The following NFIC variants were observed in gnomAD, a reference collection of about 807,000 sequenced individuals.
The protein encoded by NFIC is nuclear factor 1 C-type.
In NFIC, 12 loss-of-function variants were observed where a neutral mutation model predicts 54.4. The observed-to-expected ratio is 0.22, with a 90% CI of 0.14 to 0.36. The LOEUF is 0.36. NFIC is among the 10% of genes least tolerant of loss of function. The pLI is 1.00. For synonymous variants in NFIC, 322 were observed against 319.2 expected (o/e 1.01, Z -0.09); for missense variants, 575 against 718.2 (o/e 0.80, Z 2.28).
chr19:3,408,413 A>G (rs932722965), intron 2 of NFIC, among the ~76,000 whole-genome samples: 18 of 152,074 alleles, frequency 1.2e-4, no homozygotes, highest in African/African-American at 4.1e-4. Flanking sequence ...TTCTTTAAAA[A>G]TTGCTTTAAC....
intron 6 of NFIC, among the ~76,000 whole-genome samples, chr19:3,447,152 A>G (rs1348811641): frequency 2.6e-5 from 4 of 151,200 alleles, no homozygotes; most frequent in African/African-American, 9.8e-5. Context: ...TACAAAAATG[A>G]CCCGGGCGTG....
intron 6 of NFIC, among the ~76,000 whole-genome samples, chr19:3,435,919 C>G (rs1599685252): frequency 6.6e-6 from 1 of 152,124 alleles, no homozygotes; most frequent in East Asian, 1.9e-4. Context: ...CTCCACCTCC[C>G]TGGTTCAAGC....
intron 1 of NFIC, among the ~76,000 whole-genome samples, chr19:3,361,384 C>T (rs997497071): frequency 1.3e-5 from 2 of 152,120 alleles, no homozygotes; most frequent in African/African-American, 2.4e-5. Flanking sequence ...AGCGTAGGGG[C>T]ACCGGGACTG....
chr19:3,456,024 T>G (rs1049784127), intron 9 of NFIC, among the ~76,000 whole-genome samples: 3 of 152,182 alleles, frequency 2.0e-5, no homozygotes, highest in Admixed American at 1.3e-4. Context: ...CCATCCCTGC[T>G]GTAGCCCCAG....
At chr19:3,373,619 C>CT (rs1229860652) in intron 1 of NFIC, among the ~76,000 whole-genome samples, 2 of 99,452 alleles carry the variant, frequency 2.0e-5, no homozygotes, top group African/African-American at 7.0e-5. Flanking sequence ...CTTCCTGGAC[C>CT]CCCCCCCCAA....
At chr19:3,443,084 C>G (rs373405751) in intron 6 of NFIC, among the ~76,000 whole-genome samples, 1 of 152,114 alleles carries the variant, frequency 6.6e-6, no homozygotes. Context: ...CCCCAGGGAA[C>G]GAGCCAGCCC....
chr19:3,391,509 G>GGCA (rs1568415941), intron 2 of NFIC, among the ~76,000 whole-genome samples: 1 of 151,786 alleles, frequency 6.6e-6, no homozygotes, highest in Non-Finnish European at 1.5e-5. Context: ...AAATTAGCCA[G>GGCA]TCGTAGGCCA....
intron 2 of NFIC, among the ~76,000 whole-genome samples, chr19:3,403,398 G>A (rs1006062455): frequency 1.1e-4 from 16 of 152,152 alleles, no homozygotes; most frequent in African/African-American, 3.1e-4. Flanking sequence ...TTCCCCCTTT[G>A]TAAAGCAGAA....
intron 2 of NFIC, among the ~76,000 whole-genome samples, chr19:3,406,792 T>G (rs1284958368): frequency 2.0e-5 from 3 of 152,154 alleles, no homozygotes. Context: ...TCACTTCAAG[T>G]GCAGATTCTG....
rs775144774 is a variant in NFIC at position 3,459,371 on chromosome 19, C to T, written c.1509+2736C>T. On this transcript the variant is annotated intron_variant, in intron 10 of 10. Coordinates refer to ENST00000443272, the MANE Select transcript of NFIC (RefSeq NM_001245002.2). This position sits in a 1 kb window ranked among gnomAD's most constrained non-coding sequence, Gnocchi z 4.2. ...CCACTGTGAGGCTGGGTGGCTCTGACGCCCTGGCCCCTCCCCTCTGTGATG... is the reference window on the plus strand; with the variant it reads ...CCACTGTGAGGCTGGGTGGCTCTGATGCCCTGGCCCCTCCCCTCTGTGATG... Among the ~76,000 whole-genome samples the T allele has an allele frequency of 7.0e-4, 106 of 152,218 alleles. No homozygotes were observed. Among genetic ancestry groups the T allele is most frequent in the Non-Finnish European group, 1.2e-3 (80 of 68,010 alleles).
In NFIC at chr19:3,396,335, G is replaced by C. The variant is rs142747559; in HGVS notation, c.562+14092G>C. The stretch of plus-strand genomic sequence containing the variant: ...AAATATGAAAATATTAGCCAGGCGT[G>C]GTGGTGGGCGCCTGTAGTCCCAGCT... On this transcript the variant is annotated intron_variant, in intron 2 of 10. Transcript: ENST00000443272. 2.4e-3 allele frequency among the ~76,000 whole-genome samples: 361 copies of C among 152,252 alleles called. 2 individuals carry two copies. The highest frequency in any genetic ancestry group is 8.2e-3 in the African/African-American group (342 of 41,542).
rs548595052 is a variant in NFIC at position 3,369,664 on chromosome 19, A to C, written c.30+2998A>C. ...AAGCGCTTTTTCACTTTTACTCTTAAGAGGAACTGTGTGGAGCCCATGGCT... is the reference window on the plus strand; with the variant it reads ...AAGCGCTTTTTCACTTTTACTCTTACGAGGAACTGTGTGGAGCCCATGGCT... On this transcript the variant is annotated intron_variant, in intron 1 of 10. Coordinates refer to ENST00000443272, the MANE Select transcript of NFIC (RefSeq NM_001245002.2). This position sits in a 1 kb window ranked among gnomAD's most constrained non-coding sequence, Gnocchi z 4.3. Among the ~76,000 whole-genome samples the C allele has an allele frequency of 6.6e-5, 10 of 151,108 alleles. No homozygotes were observed. The highest frequency in any genetic ancestry group is 2.4e-4 in the African/African-American group (10 of 41,112).
At chr19:3,408,076 G>T (rs1293998148) in intron 2 of NFIC, among the ~76,000 whole-genome samples, 1 of 152,142 alleles carries the variant, frequency 6.6e-6, no homozygotes, top group African/African-American at 2.4e-5. Flanking sequence ...TTGGGAGGCG[G>T]ACGTGGCAGC....
Position 3,390,095 on chromosome 19 carries a change from C to G in NFIC, c.562+7852C>G, listed in dbSNP as rs566941609. Among the ~76,000 whole-genome samples, 8 of 152,392 alleles carry G rather than the reference C, an allele frequency of 5.2e-5. No individual in the cohort carries two copies. The South Asian group carries it at 1.4e-3, about 28-fold the overall frequency. ...GTGCCGCCGTGAAACCCTACACCTC[C>G]TTTTCCCAACCCAGTGAGCCAGTGG... is the stretch of plus-strand genomic sequence containing the variant. On this transcript the variant is annotated intron_variant, in intron 2 of 10. Transcript: ENST00000443272.
At position 3,370,468 on chromosome 19, in the gene NFIC, A is replaced by G. The variant is rs2080980990; in HGVS notation, c.30+3802A>G. ...ATCACCAAAGCTGGGATTCTGGCAG[A>G]GTCAGCGTTCTCCTCTCTCTCTCTC... On this transcript the variant is annotated intron_variant, in intron 1 of 10. Transcript: ENST00000443272. The surrounding 1 kb of genome is among the most constrained non-coding windows in gnomAD (Gnocchi z 5.2). 6.7e-6 allele frequency among the ~76,000 whole-genome samples: 1 copy of G among 150,228 alleles called. No homozygotes were observed. Among genetic ancestry groups the G allele is most frequent in the Non-Finnish European group, 1.5e-5 (1 of 67,792 alleles).
At chr19:3,437,308 C>T (rs576806486) in intron 6 of NFIC, among the ~76,000 whole-genome samples, 1 of 151,648 alleles carries the variant, frequency 6.6e-6, no homozygotes, top group East Asian at 2.0e-4. Context: ...GCGGAGCTTG[C>T]AGTGAGCTGA....
intron 6 of NFIC, among the ~76,000 whole-genome samples, chr19:3,436,067 A>T (rs1482470787): frequency 6.6e-6 from 1 of 151,606 alleles, no homozygotes; most frequent in African/African-American, 2.4e-5. Context: ...ACCTCAGGTG[A>T]TTCGCCCGCC....
chr19:3,402,443 T>C (rs1032357302), intron 2 of NFIC, among the ~76,000 whole-genome samples: 1 of 152,186 alleles, frequency 6.6e-6, no homozygotes, highest in Admixed American at 6.6e-5. Flanking sequence ...CCTCTCAACT[T>C]TCTTTCTACA....
At position 3,370,490 on chromosome 19, in the gene NFIC, TC is replaced by T. The variant is rs1271930000; in HGVS notation, c.30+3825del. On this transcript the variant is annotated intron_variant, in intron 1 of 10. Coordinates refer to ENST00000443272, the MANE Select transcript of NFIC (RefSeq NM_001245002.2). This position sits in a 1 kb window ranked among gnomAD's most constrained non-coding sequence, Gnocchi z 5.2. ...CAGAGTCAGCGTTCTCCTCTCTCTC[TC>T]TCTCTCTCTCTGTCTCCCTCCCTTT... 2.6e-5 allele frequency among the ~76,000 whole-genome samples: 4 copies of T among 151,654 alleles called. No individual in the cohort carries two copies. The highest frequency in any genetic ancestry group is 9.7e-5 in the African/African-American group (4 of 41,210).
Sources: allele counts gnomAD v4.1 joint callset (sites outside exome capture counted in the v4.1 genomes callset), GRCh38; gene constraint gnomAD v4.1.1; non-coding constraint Gnocchi (gnomAD v3.1); transcripts MANE v1.5; gene names NCBI Gene and HGNC (gene_info 2026-07-23, HGNC 2026-07-21).